Variants in ESR1 observed in about 807,000 individuals in gnomAD.
ESR1 encodes estrogen receptor 1.
A neutral mutation model predicts 52.7 loss-of-function variants in ESR1; 12 were observed. The ratio of observed to expected loss-of-function variants is 0.23; its 90% CI spans 0.15 to 0.37. ESR1 has a LOEUF of 0.37. ESR1 is among the 10% of genes least tolerant of loss of function. The pLI, the probability that ESR1 is intolerant of heterozygous loss-of-function variation, is 1.00. For synonymous variants in ESR1, 305 were observed against 316.8 expected (o/e 0.96, Z 0.39); for missense variants, 584 against 779.7 (o/e 0.75, Z 2.99).
chr6:151,856,355 C>T (rs1455490314), intron 2 of ESR1, among the ~76,000 whole-genome samples: 2 of 151,862 alleles, frequency 1.3e-5, no homozygotes, highest in African/African-American at 4.9e-5. Flanking sequence ...TTTATGTTTG[C>T]AACTTTCTTG....
At chr6:151,998,086 A>G (rs1391164205) in intron 4 of ESR1, among the ~76,000 whole-genome samples, 1 of 152,108 alleles carries the variant, frequency 6.6e-6, no homozygotes, top group East Asian at 1.9e-4. Context: ...TATCCCACTT[A>G]ACAAATTAGA....
At chr6:151,851,783 C>T (rs1786783214) in intron 2 of ESR1, among the ~76,000 whole-genome samples, 1 of 152,188 alleles carries the variant, frequency 6.6e-6, no homozygotes, top group Non-Finnish European at 1.5e-5. Context: ...CCGCCTTGGC[C>T]TCCCAAAGTG....
intron 3 of ESR1, among the ~76,000 whole-genome samples, chr6:151,923,512 C>A (rs4870063): frequency 0.52 from 79,064 of 151,976 alleles, 22,883 homozygotes; most frequent in Middle Eastern, 0.72. Context: ...GAACTCCTGA[C>A]AACCCCTGGT....
At chr6:151,727,363 G>A (rs550240659) in intron 2 of ESR1, among the ~76,000 whole-genome samples, 6 of 151,926 alleles carry the variant, frequency 3.9e-5, no homozygotes, top group East Asian at 3.9e-4. Flanking sequence ...CATCACGCCC[G>A]GCTAATTTTT....
chr6:151,683,272 C>T (rs1277584709), intron 1 of ESR1, among the ~76,000 whole-genome samples: 1 of 151,868 alleles, frequency 6.6e-6, no homozygotes, highest in Non-Finnish European at 1.5e-5. Flanking sequence ...GTTTACAAGC[C>T]CAGGTGGGTG....
At chr6:151,935,520 C>A (rs1327687362) in intron 3 of ESR1, among the ~76,000 whole-genome samples, 1 of 152,196 alleles carries the variant, frequency 6.6e-6, no homozygotes, top group Non-Finnish European at 1.5e-5. Flanking sequence ...GAGCAGGCTG[C>A]ATGCAGGTGG....
chr6:152,103,228 A>T lies in ESR1; in HGVS notation c.*4262A>T, dbSNP rs925529098. 21 of 186,084 alleles carry T rather than the reference A, an allele frequency of 1.1e-4. No homozygotes were observed. The Admixed American group carries it at 1.3e-3, about 12-fold the overall frequency. 11.5% of individuals were successfully genotyped at this position (186,084 alleles called of 1,614,324 possible). On this transcript the variant is annotated 3_prime_UTR_variant, in exon 8 of 8. Transcript: ENST00000206249. ...CAGCGGGATGCTCGAGCACCTGTAA[A>T]CAATTTTCTCAACCTATTTGATGTT...
At chr6:151,755,143 G>A (rs1381937183) in intron 2 of ESR1, among the ~76,000 whole-genome samples, 1 of 149,944 alleles carries the variant, frequency 6.7e-6, no homozygotes, top group African/African-American at 2.5e-5. Flanking sequence ...CTGAGAAGTT[G>A]ATTCTGCAGT....
At chr6:151,741,389 C>T (rs1783086491) in intron 2 of ESR1, among the ~76,000 whole-genome samples, 1 of 152,022 alleles carries the variant, frequency 6.6e-6, no homozygotes, top group South Asian at 2.1e-4. Context: ...TACCGAGGAG[C>T]GCATACGGGA....
At chr6:151,899,692 C>T (rs867818621) in intron 3 of ESR1, among the ~76,000 whole-genome samples, 1 of 150,838 alleles carries the variant, frequency 6.6e-6, no homozygotes, top group African/African-American at 2.4e-5. Flanking sequence ...GGGCGGTTGC[C>T]AGGCAGAGGG....
chr6:151,670,531 TC>T (rs1778012136), intron 1 of ESR1, among the ~76,000 whole-genome samples: 1 of 152,146 alleles, frequency 6.6e-6, no homozygotes, highest in South Asian at 2.1e-4. Context: ...AATGAATACA[TC>T]CTTCTGTAAT....
At chr6:151,866,190 C>T (rs1789868981) in intron 2 of ESR1, among the ~76,000 whole-genome samples, 1 of 152,162 alleles carries the variant, frequency 6.6e-6, no homozygotes, top group Admixed American at 6.5e-5. Flanking sequence ...ATTTACCATG[C>T]AAATAAATAT....
chr6:151,814,728 C>T (rs1353618858), intron 1 of ESR1, among the ~76,000 whole-genome samples: 1 of 152,182 alleles, frequency 6.6e-6, no homozygotes, highest in East Asian at 1.9e-4. Flanking sequence ...ATTTGGCTAC[C>T]TTATTCCAAA....
chr6:151,990,612 C>G (rs1302680958), intron 4 of ESR1, among the ~76,000 whole-genome samples: 1 of 151,450 alleles, frequency 6.6e-6, no homozygotes, highest in African/African-American at 2.5e-5. Flanking sequence ...ACATGGTGGC[C>G]CATAGCTGCA....
intron 5 of ESR1, among the ~76,000 whole-genome samples, chr6:152,055,511 T>G (rs1375164223): frequency 2.0e-5 from 3 of 152,244 alleles, no homozygotes; most frequent in Non-Finnish European, 4.4e-5. Context: ...GAAGATTTAC[T>G]TGGTCTTCCA....
rs1223963210 is a variant in ESR1, at chr6:152,060,977, C to T, written c.1236-14C>T. The T allele has an allele frequency of 6.4e-7, 1 of 1,571,154 alleles. No individual in the cohort carries two copies. Among genetic ancestry groups the T allele is most frequent in the Non-Finnish European group, 8.7e-7 (1 of 1,153,248 alleles). ...CTTTTTATTTATTTATTTATTTTTG[C>T]TATGTTTTCATAGGAACCAGGGAAA... On this transcript the variant is annotated splice_polypyrimidine_tract_variant and intron_variant, in intron 5 of 7. Transcript: ENST00000206249.
At chr6:151,757,139 A>T (rs546416330) in intron 2 of ESR1, among the ~76,000 whole-genome samples, 42 of 152,256 alleles carry the variant, frequency 2.8e-4, no homozygotes, top group African/African-American at 9.1e-4. Context: ...AGAACTGTCT[A>T]ACCTCCCTAC....
intron 1 of ESR1, among the ~76,000 whole-genome samples, chr6:151,659,679 C>G (rs762473898): frequency 6.6e-6 from 1 of 152,178 alleles, no homozygotes; most frequent in Non-Finnish European, 1.5e-5. Context: ...AATGTCTTCT[C>G]TAATAACACT....
At chr6:152,011,447 C>A (rs1460895820) in intron 4 of ESR1, among the ~76,000 whole-genome samples, 1 of 152,090 alleles carries the variant, frequency 6.6e-6, no homozygotes, top group Non-Finnish European at 1.5e-5. Context: ...GACACTATGG[C>A]ACTAAGAAAC....
Sources: gnomAD v4.1 joint callset for allele counts (sites outside exome capture counted in the v4.1 genomes callset) on GRCh38, gnomAD v4.1.1 for gene constraint, MANE v1.5 for transcripts, NCBI Gene and HGNC (gene_info 2026-07-23, HGNC 2026-07-21) for gene names.